The following BTK variants were observed in gnomAD, a reference collection of about 807,000 sequenced individuals.
BTK encodes Bruton tyrosine kinase.
BTK carries 5 observed loss-of-function variants against 57.4 expected under a neutral mutation model. That is an observed-to-expected ratio of 0.09 (90% CI 0.05 to 0.18). The LOEUF (loss-of-function observed/expected upper bound fraction) is 0.18, where lower values mean the gene tolerates loss of function less well. BTK is among the 10% of genes least tolerant of loss of function. The probability of loss-of-function intolerance (pLI) is 1.00; values close to 1 mark genes in which losing one functional copy is unlikely to be tolerated. For synonymous variants in BTK, 154 were observed against 174.3 expected (o/e 0.88, Z 0.92); for missense variants, 194 against 501.2 (o/e 0.39, Z 5.85).
chrX:101,380,972 C>T (rs1216034956), intron 1 of BTK, among the ~76,000 whole-genome samples: 1 of 98,645 alleles, frequency 1.0e-5, no homozygotes, highest in Non-Finnish European at 2.0e-5. Context: ...TGCCATTGCA[C>T]TCCAGCCTGG....
chrX:101,375,985 G>T (rs1461216813), intron 1 of BTK, among the ~76,000 whole-genome samples: 4 of 110,327 alleles, frequency 3.6e-5, no homozygotes, highest in Admixed American at 9.7e-5. Flanking sequence ...GGTGGGGGGG[G>T]GGTAGTTGTT....
At chrX:101,390,571 T>C (rs3027598), upstream of BTK, 27,084 of 513,308 alleles carry the variant, frequency 0.053, 814 homozygotes, top group African/African-American at 0.15. Context: ...ACTGGAACAA[T>C]TGGCTCCCTC....
At chrX:101,381,230 G>T (rs1927411758) in intron 1 of BTK, among the ~76,000 whole-genome samples, 1 of 110,784 alleles carries the variant, frequency 9.0e-6, no homozygotes, top group South Asian at 3.8e-4. Context: ...TAGGTTGTTT[G>T]CTTTCAGTGA....
chrX:101,374,210 G>A (rs1235153260), intron 3 of BTK: 3 of 265,056 alleles, frequency 1.1e-5, no homozygotes, highest in African/African-American at 5.6e-5. Flanking sequence ...CTAGGATTAT[G>A]ACATTCAGAC....
intron 3 of BTK, among the ~76,000 whole-genome samples, chrX:101,373,030 G>A (rs1056932242): frequency 6.5e-5 from 7 of 108,515 alleles, no homozygotes; most frequent in Non-Finnish European, 1.1e-4. Context: ...TACAGTGAGC[G>A]GAGATCGCAC....
chrX:101,388,660 C>T (rs1927691613), upstream of BTK, among the ~76,000 whole-genome samples: 1 of 111,741 alleles, frequency 8.9e-6, no homozygotes, highest in African/African-American at 3.3e-5. Flanking sequence ...GGTGATGTCT[C>T]ATAATTGGGC....
rs1343146553 is a variant in BTK at position 101,355,150 on chromosome X, G to A, written c.1567-456C>T. ...AAATTAGCTGGGCGTGGTGTTGGGC[G>A]CCTGTGATCCCAGCTACTTGGGAGG... On this transcript the variant is annotated intron_variant, in intron 15 of 18. Transcript: ENST00000308731. Among the ~76,000 whole-genome samples the A allele has an allele frequency of 7.1e-5, 8 of 111,925 alleles. No homozygotes were observed. The East Asian group carries it at 2.2e-3, about 31-fold the overall frequency.
intron 18 of BTK, 133 bp from the exon 19 acceptor site, chrX:101,350,089 G>GAA (rs199950200): frequency 2.9e-3 from 983 of 337,885 alleles, no homozygotes; most frequent in South Asian, 5.6e-3. Flanking sequence ...ATTACAAAAG[G>GAA]AAAAAAAAAA....
intron 15 of BTK, 111 bp from the exon 16 acceptor site, chrX:101,354,805 T>A (rs1555977611): frequency 1.4e-6 from 1 of 714,810 alleles, no homozygotes; most frequent in African/African-American, 2.1e-5. Flanking sequence ...CTCCTTCGAC[T>A]ACAGACACCT....
At chrX:101,360,173 G>T in intron 8 of BTK, 23 bp from the exon 9 acceptor site, 1 of 1,150,939 alleles carries the variant, frequency 8.7e-7, no homozygotes, top group Non-Finnish European at 1.2e-6. Flanking sequence ...CAATGTGGCA[G>T]TTCATCCAGC....
At chrX:101,386,449 T>C (rs1167064193), upstream of BTK, among the ~76,000 whole-genome samples, 2 of 109,921 alleles carry the variant, frequency 1.8e-5, no homozygotes, top group Non-Finnish European at 3.8e-5. Flanking sequence ...AGACAGGTCA[T>C]CAAGCTATCC....
chrX:101,373,868 C>G (rs112279403), intron 3 of BTK, among the ~76,000 whole-genome samples: 13,054 of 108,552 alleles, frequency 0.12, 789 homozygotes, highest in South Asian at 0.26. Flanking sequence ...ATGGTGAAAC[C>G]CCGTCTCTAC....
intron 18 of BTK, 74 bp from the exon 19 acceptor site, chrX:101,350,030 G>A (rs1555976792): frequency 2.5e-5 from 19 of 759,121 alleles, no homozygotes; most frequent in African/African-American, 8.5e-5. Flanking sequence ...TGAGTAAGCA[G>A]CAAATGTTTA....
At chrX:101,382,630 C>T (rs1014233698) in intron 1 of BTK, among the ~76,000 whole-genome samples, 5 of 111,051 alleles carry the variant, frequency 4.5e-5, no homozygotes, top group Non-Finnish European at 3.8e-5. Flanking sequence ...CTTGCATTAG[C>T]GACAATATAT....
chrX:101,353,087 GA>G (rs1926348243), intron 18 of BTK, 106 bp downstream of exon 18: 15 of 723,261 alleles, frequency 2.1e-5, no homozygotes, highest in South Asian at 5.6e-5. Flanking sequence ...AAAAAAAAAG[GA>G]AAAAAAAGAA....
upstream of BTK, chrX:101,390,415 T>C: frequency 4.0e-6 from 2 of 505,120 alleles, no homozygotes; most frequent in South Asian, 5.1e-5. Context: ...CCAATCATTG[T>C]TCCTTTTCTT....
chrX:101,390,142 C>T (rs1927736524), upstream of BTK, among the ~76,000 whole-genome samples: 1 of 111,857 alleles, frequency 8.9e-6, no homozygotes, highest in African/African-American at 3.3e-5. Flanking sequence ...AATAATAGTA[C>T]CACCTGTCTC....
At chrX:101,388,057 G>A (rs1427835225), upstream of BTK, among the ~76,000 whole-genome samples, 1 of 110,516 alleles carries the variant, frequency 9.0e-6, no homozygotes, top group Non-Finnish European at 1.9e-5. Context: ...TAGTAGAGAC[G>A]GGGTTTCACC....
chrX:101,353,455 C>T lies in BTK; in HGVS notation c.1751-104G>A, dbSNP rs186596281. The stretch of plus-strand genomic sequence containing the variant: ...CAAAGATTAGAATCAGTTGGTTCCC[C>T]GCTCTGTGCTTTTTATATTTTGCCC... On this transcript the variant is annotated intron_variant, in intron 17 of 18. Transcript: ENST00000308731. The T allele has an allele frequency of 3.0e-4, 268 of 884,398 alleles. 1 individual carries two copies. In the African/African-American group the frequency reaches 3.1e-3, roughly 10 times the overall value. 72.9% of individuals were successfully genotyped at this position (884,398 alleles called of 1,213,427 possible). A position where few individuals can be genotyped will look rare whatever the true frequency, so the allele number is the denominator to read the frequency against.
Sources: gnomAD v4.1 joint callset for allele counts (sites outside exome capture counted in the v4.1 genomes callset) on GRCh38, gnomAD v4.1.1 for gene constraint, MANE v1.5 for transcripts, NCBI Gene and HGNC (gene_info 2026-07-23, HGNC 2026-07-21) for gene names.